PDE8A: variants seen among roughly 807,000 people sequenced by gnomAD.
PDE8A encodes phosphodiesterase 8A, also known as high affinity cAMP-specific and IBMX-insensitive 3',5'-cyclic phosphodiesterase 8A.
In PDE8A, 59 loss-of-function variants were observed where a neutral mutation model predicts 105.0. That is an observed-to-expected ratio of 0.56 (90% CI 0.46 to 0.70). The LOEUF is 0.70. PDE8A is among the 30% of genes least tolerant of loss of function. The pLI is 0.00. For synonymous variants in PDE8A, 355 were observed against 371.9 expected (o/e 0.95, Z 0.52); for missense variants, 1,014 against 1,045.9 (o/e 0.97, Z 0.42).
chr15:84,994,142 CAAGGTCTACTCAGCTCT>C (rs1435753458), intron 1 of PDE8A, among the ~76,000 whole-genome samples: 1 of 152,190 alleles, frequency 6.6e-6, no homozygotes, highest in East Asian at 1.9e-4. Flanking sequence ...ATTCATTCCT[CAAGGTCTACTCAGCTCT>C]TTAGCCCACT....
rs1381516366 is a variant in PDE8A at position 85,013,169 on chromosome 15, A to G, written c.186+30821A>G. ...AGAGAGATGTTTTGTAAGGGATGGA[A>G]GGTAGTATTTACATACAAAATTCAC... On this transcript the variant is annotated intron_variant, in intron 1 of 21. Coordinates refer to ENST00000394553, the MANE Select transcript of PDE8A (RefSeq NM_002605.3). 2.0e-5 allele frequency among the ~76,000 whole-genome samples: 3 copies of G among 152,344 alleles called. No individual in the cohort carries two copies. In the East Asian group the frequency reaches 5.8e-4, roughly 29 times the overall value.
intron 1 of PDE8A, among the ~76,000 whole-genome samples, chr15:85,009,734 C>T (rs1296343235): frequency 2.0e-5 from 3 of 152,202 alleles, no homozygotes; most frequent in South Asian, 4.1e-4. Flanking sequence ...GCAATATTTA[C>T]TGAAGTTGAA....
intron 1 of PDE8A, among the ~76,000 whole-genome samples, chr15:85,011,659 C>T (rs1596440698): frequency 6.6e-6 from 1 of 152,200 alleles, no homozygotes; most frequent in Middle Eastern, 3.4e-3. Context: ...GTCTAAAACA[C>T]CAAAAGCAAT....
At chr15:85,122,966 G>A in intron 18 of PDE8A, 95 bp from the exon 19 acceptor site, 1 of 1,267,462 alleles carries the variant, frequency 7.9e-7, no homozygotes, top group African/African-American at 1.5e-5. Flanking sequence ...TATAGCTGCA[G>A]AGGACACATA....
intron 1 of PDE8A, among the ~76,000 whole-genome samples, chr15:85,013,953 C>A (rs896154224): frequency 6.6e-6 from 1 of 152,138 alleles, no homozygotes; most frequent in Non-Finnish European, 1.5e-5. Flanking sequence ...CGCTGGCTTC[C>A]CGCAGAGAAG....
intron 8 of PDE8A, chr15:85,097,743 A>G: frequency 1.8e-6 from 1 of 543,522 alleles, no homozygotes; most frequent in Non-Finnish European, 3.3e-6. Flanking sequence ...GACTATGGTG[A>G]CCTGACTTTT....
chr15:85,034,428 AT>A (rs980738549), intron 1 of PDE8A, among the ~76,000 whole-genome samples: 5 of 152,148 alleles, frequency 3.3e-5, no homozygotes, highest in African/African-American at 1.2e-4. Flanking sequence ...AAATGTGGAG[AT>A]TGATACAGTA....
intron 20 of PDE8A, among the ~76,000 whole-genome samples, chr15:85,134,039 C>A (rs1288979893): frequency 8.5e-5 from 13 of 152,226 alleles, no homozygotes; most frequent in Admixed American, 7.9e-4. Context: ...GTGTGGAGTT[C>A]TCACTGGTGA....
intron 5 of PDE8A, among the ~76,000 whole-genome samples, chr15:85,082,893 C>A (rs994541710): frequency 6.6e-6 from 1 of 152,194 alleles, no homozygotes; most frequent in South Asian, 2.1e-4. Flanking sequence ...CTATGTAATT[C>A]ACTTTGTCGT....
chr15:85,014,364 A>G (rs2080289470), intron 1 of PDE8A, among the ~76,000 whole-genome samples: 1 of 152,160 alleles, frequency 6.6e-6, no homozygotes, highest in Admixed American at 6.5e-5. Flanking sequence ...AAATGGTGAT[A>G]TTCTAATTCT....
At chr15:85,053,689 G>T (rs546304132) in intron 1 of PDE8A, among the ~76,000 whole-genome samples, 1 of 152,358 alleles carries the variant, frequency 6.6e-6, no homozygotes, top group East Asian at 1.9e-4. Context: ...CTTTGCTGAA[G>T]TTGCTTATCA....
chr15:84,994,201 C>G (rs969826575), intron 1 of PDE8A, among the ~76,000 whole-genome samples: 4 of 152,150 alleles, frequency 2.6e-5, no homozygotes, highest in Non-Finnish European at 5.9e-5. Context: ...TGTCTTCAGT[C>G]TATGGTTTGC....
intron 1 of PDE8A, chr15:85,064,133 G>A: frequency 2.2e-6 from 1 of 451,358 alleles, no homozygotes; most frequent in Non-Finnish European, 3.9e-6. Context: ...GGCAAAGCCA[G>A]AATCACATTC....
chr15:85,067,734 T>G (rs1310288908), intron 3 of PDE8A, among the ~76,000 whole-genome samples: 1 of 152,120 alleles, frequency 6.6e-6, no homozygotes, highest in Non-Finnish European at 1.5e-5. Flanking sequence ...AATCTTGACT[T>G]TTAAGAGAGA....
chr15:85,118,230 A>G (rs1002533505), intron 17 of PDE8A, among the ~76,000 whole-genome samples: 8 of 152,208 alleles, frequency 5.3e-5, no homozygotes, highest in Middle Eastern at 3.4e-3. Context: ...CAGGTTCATC[A>G]TCTCTGTTCC....
chr15:85,131,925 T>C lies in PDE8A; in HGVS notation c.2254-4609T>C, dbSNP rs1020519774. 3.3e-5 allele frequency among the ~76,000 whole-genome samples: 5 copies of C among 152,378 alleles called. 1 individual carries two copies. The highest frequency in any genetic ancestry group is 6.5e-5 in the Admixed American group (1 of 15,314). On this transcript the variant is annotated intron_variant, in intron 20 of 21. Coordinates refer to ENST00000394553, the MANE Select transcript of PDE8A (RefSeq NM_002605.3). ...TCATATATATAATTTCACTGCCTTC[T>C]GGCCTTCAAGGTTTCTGCTGAGAAA...
intron 1 of PDE8A, among the ~76,000 whole-genome samples, chr15:85,060,536 G>A (rs577476043): frequency 1.6e-4 from 25 of 152,272 alleles, no homozygotes; most frequent in Admixed American, 3.3e-4. Context: ...AATTTAAAGC[G>A]TAGAGGAGAA....
intron 3 of PDE8A, among the ~76,000 whole-genome samples, chr15:85,073,482 A>G (rs773519892): frequency 3.9e-5 from 6 of 152,144 alleles, no homozygotes; most frequent in Non-Finnish European, 5.9e-5. Context: ...AGTGCTTCTC[A>G]TTCTTGTGTC....
At chr15:85,058,142 A>G (rs2081091242) in intron 1 of PDE8A, among the ~76,000 whole-genome samples, 4 of 152,174 alleles carry the variant, frequency 2.6e-5, no homozygotes, top group African/African-American at 9.7e-5. Context: ...ATGTAGTGGC[A>G]CAGTCTTGTC....
Sources: gnomAD v4.1 joint callset for allele counts (sites outside exome capture counted in the v4.1 genomes callset) on GRCh38, gnomAD v4.1.1 for gene constraint, MANE v1.5 for transcripts, NCBI Gene and HGNC (gene_info 2026-07-23, HGNC 2026-07-21) for gene names.